Variants in PCDH15 observed in about 807,000 individuals in gnomAD.
PCDH15 encodes protocadherin-15.
In PCDH15, 129 loss-of-function variants were observed where a neutral mutation model predicts 178.5. The observed-to-expected ratio is 0.72, with a 90% CI of 0.63 to 0.84. The LOEUF is 0.84. Among genes scored for constraint, PCDH15 ranks in the 40% least tolerant of loss-of-function variants. The pLI is 0.00. For synonymous variants in PCDH15, 800 were observed against 732.0 expected, an observed-to-expected ratio of 1.09 and a Z score of -1.50; for missense variants, 2,230 against 2,099.9, an observed-to-expected ratio of 1.06 and a Z score of -1.21.
chr10:54,572,732 G>C (rs1276435868), intron 2 of PCDH15, among the ~76,000 whole-genome samples: 1 of 152,042 alleles, frequency 6.6e-6, no homozygotes, highest in Non-Finnish European at 1.5e-5. Context: ...TAGGTTAATA[G>C]ATTAATAAGT....
chr10:54,091,625 C>T (rs1052982717), intron 15 of PCDH15, among the ~76,000 whole-genome samples: 3 of 152,146 alleles, frequency 2.0e-5, no homozygotes, highest in Non-Finnish European at 4.4e-5. Context: ...TAATAAACTA[C>T]TGAATATTGA....
chr10:53,977,323 T>TA (rs34011482), intron 21 of PCDH15, among the ~76,000 whole-genome samples: 69,655 of 151,854 alleles, frequency 0.46, 16,153 homozygotes, highest in Middle Eastern at 0.62. Flanking sequence ...CTGAAAGCTT[T>TA]AAAAAAAATC....
intron 21 of PCDH15, among the ~76,000 whole-genome samples, chr10:53,973,550 A>C (rs932936079): frequency 6.6e-6 from 1 of 152,166 alleles, no homozygotes; most frequent in Non-Finnish European, 1.5e-5. Context: ...TAATATGAAC[A>C]CTAAAAGCAG....
At chr10:54,239,515 A>G (rs1347183504) in intron 8 of PCDH15, among the ~76,000 whole-genome samples, 1 of 151,844 alleles carries the variant, frequency 6.6e-6, no homozygotes, top group African/African-American at 2.4e-5. Flanking sequence ...AACTGTGAGT[A>G]TCTCAGGATA....
intron 2 of PCDH15, among the ~76,000 whole-genome samples, chr10:54,658,347 A>G (rs1184939436): frequency 6.6e-6 from 1 of 152,142 alleles, no homozygotes; most frequent in Admixed American, 6.5e-5. Context: ...AGACTATCCA[A>G]GGTCAATACT....
intron 2 of PCDH15, among the ~76,000 whole-genome samples, chr10:55,497,026 G>A (rs535916561): frequency 6.6e-6 from 1 of 151,952 alleles, no homozygotes; most frequent in African/African-American, 2.4e-5. Flanking sequence ...TTTTTAATGG[G>A]AAAGTGTTCT....
chr10:53,828,665 G>T, intron 30 of PCDH15, 92 bp from the exon 31 acceptor site: 3 of 1,067,414 alleles, frequency 2.8e-6, no homozygotes, highest in Non-Finnish European at 4.3e-6. Context: ...TCTAAATCAT[G>T]AATAATTTAT....
chr10:55,573,476 T>C (rs1297263269), intron 2 of PCDH15, among the ~76,000 whole-genome samples: 1 of 152,126 alleles, frequency 6.6e-6, no homozygotes, highest in East Asian at 1.9e-4. Flanking sequence ...TTACAAGTTT[T>C]CAATAATTCT....
intron 26 of PCDH15, among the ~76,000 whole-genome samples, chr10:53,896,322 T>C (rs2081947855): frequency 6.6e-6 from 1 of 152,214 alleles, no homozygotes; most frequent in Non-Finnish European, 1.5e-5. Context: ...CACAAAAAAT[T>C]ACAAATATTA....
chr10:54,020,317 G>A lies in PCDH15; in HGVS notation c.2626C>T (p.Leu876Phe), dbSNP rs746404318. 1.2e-6 allele frequency: 2 copies of A among 1,613,826 alleles called. No homozygotes were observed. The highest frequency in any genetic ancestry group is 1.1e-5 in the South Asian group (1 of 91,068). Reference protein sequence around the residue: ...ALHPFTGELSLLRSLDYEAFP... With the variant: ...ALHPFTGELSFLRSLDYEAFP... ...GCCTCATAATCTAAACTCCTTAAAA[G>A]CGATAGTTCTCCTGTAAATGGATGT... Residue 876 changes from leucine to phenylalanine, a missense_variant, in exon 20 of 38, where the codon CTT becomes TTT. Leu to Phe is a conservative substitution (Grantham distance 22). Transcript: ENST00000644397.
At chr10:53,965,600 T>C (rs772253536) in intron 21 of PCDH15, among the ~76,000 whole-genome samples, 5 of 152,144 alleles carry the variant, frequency 3.3e-5, no homozygotes, top group Non-Finnish European at 7.4e-5. Context: ...ACTATAGAAT[T>C]TGATACCCTA....
intron 2 of PCDH15, among the ~76,000 whole-genome samples, chr10:54,663,810 G>T (rs577078232): frequency 2.0e-5 from 3 of 151,464 alleles, no homozygotes; most frequent in East Asian, 3.9e-4. Context: ...GTTGTCTTTT[G>T]TATTTCTAGC....
At chr10:54,992,189 G>T (rs922966954) in intron 2 of PCDH15, among the ~76,000 whole-genome samples, 30 of 152,122 alleles carry the variant, frequency 2.0e-4, no homozygotes, top group African/African-American at 6.3e-4. Context: ...TTATTTCTGA[G>T]AAATCCATCT....
At chr10:55,455,796 A>G (rs769044276) in intron 2 of PCDH15, among the ~76,000 whole-genome samples, 1 of 152,060 alleles carries the variant, frequency 6.6e-6, no homozygotes, top group African/African-American at 2.4e-5. Flanking sequence ...TAGACAAGGC[A>G]CCCCACAAGA....
At chr10:53,827,063 TATATAC>T (rs1281153284) in intron 32 of PCDH15, among the ~76,000 whole-genome samples, 4 of 151,680 alleles carry the variant, frequency 2.6e-5, no homozygotes, top group African/African-American at 9.7e-5. Flanking sequence ...TATTTATACA[TATATAC>T]ATATACATTA....
chr10:55,374,145 G>C (rs1845568343), intron 2 of PCDH15, among the ~76,000 whole-genome samples: 1 of 151,450 alleles, frequency 6.6e-6, no homozygotes. Flanking sequence ...TTTGGGCTTT[G>C]ATTCTTCCTT....
intron 2 of PCDH15, among the ~76,000 whole-genome samples, chr10:55,033,865 T>TA (rs949992860): frequency 8.5e-5 from 13 of 152,148 alleles, no homozygotes; most frequent in Admixed American, 8.5e-4. Context: ...GTAAGGCCTT[T>TA]AAAAAGGGAT....
intron 26 of PCDH15, among the ~76,000 whole-genome samples, chr10:53,874,877 A>G (rs866715291): frequency 6.6e-6 from 1 of 152,032 alleles, no homozygotes; most frequent in African/African-American, 2.4e-5. Flanking sequence ...CTCGTTGAAA[A>G]GAAATGAAAA....
chr10:54,743,000 A>G (rs564632629), intron 1 of PCDH15, among the ~76,000 whole-genome samples: 1 of 152,132 alleles, frequency 6.6e-6, no homozygotes, highest in South Asian at 2.1e-4. Context: ...ACCGTTTGAA[A>G]AAAGAAGGGA....
Sources: gnomAD v4.1 joint callset for allele counts (sites outside exome capture counted in the v4.1 genomes callset) on GRCh38, gnomAD v4.1.1 for gene constraint, MANE v1.5 for transcripts, NCBI Gene and HGNC (gene_info 2026-07-23, HGNC 2026-07-21) for gene names.